Variants in THSD4 observed in about 807,000 individuals in gnomAD.
THSD4 encodes thrombospondin type-1 domain-containing protein 4.
A neutral mutation model predicts 119.0 loss-of-function variants in THSD4; 69 were observed. The ratio of observed to expected loss-of-function variants is 0.58; its 90% CI spans 0.48 to 0.71. The LOEUF (loss-of-function observed/expected upper bound fraction) is 0.71. Among genes scored for constraint, THSD4 ranks in the 30% least tolerant of loss-of-function variants. The probability of loss-of-function intolerance (pLI) is 0.00; values close to 1 mark genes in which losing one functional copy is unlikely to be tolerated. For missense variants in THSD4, 1,393 were observed against 1,391.1 expected, an observed-to-expected ratio of 1.00 and a Z score of -0.02; for synonymous variants, 524 against 540.4, an observed-to-expected ratio of 0.97 and a Z score of 0.42.
intron 17 of THSD4, among the ~76,000 whole-genome samples, chr15:71,772,173 A>T (rs2053834112): frequency 6.6e-6 from 1 of 152,232 alleles, no homozygotes; most frequent in Non-Finnish European, 1.5e-5. Context: ...ATGTATTAAT[A>T]TATCAATAAG....
chr15:71,369,713 T>A (rs1264452612), intron 6 of THSD4, among the ~76,000 whole-genome samples: 13 of 152,228 alleles, frequency 8.5e-5, no homozygotes, highest in Non-Finnish European at 1.8e-4. Context: ...TTTGCATCAA[T>A]GTTCATCAAG....
intron 7 of THSD4, among the ~76,000 whole-genome samples, chr15:71,426,688 G>A (rs1197953260): frequency 2.0e-5 from 3 of 152,140 alleles, no homozygotes; most frequent in Non-Finnish European, 4.4e-5. Flanking sequence ...AACTTAATGT[G>A]ACTCTTTGTG....
At chr15:71,554,365 G>T (rs2048984969) in intron 7 of THSD4, among the ~76,000 whole-genome samples, 1 of 151,460 alleles carries the variant, frequency 6.6e-6, no homozygotes, top group Non-Finnish European at 1.5e-5. Flanking sequence ...AAAGTGCTGA[G>T]ATTACAGGCG....
At position 71,125,083 on chromosome 15, in the gene THSD4, A is replaced by G. The variant is rs534401040; in HGVS notation, c.-80+9385A>G. Among the ~76,000 whole-genome samples, 6 of 152,206 alleles carry G rather than the reference A, an allele frequency of 3.9e-5. No individual in the cohort carries two copies. The South Asian group carries it at 1.0e-3, about 26-fold the overall frequency. ...AGTGAGACCCAGCCAGAAAGAGAAGAGAAGAGGAGAGAAGGTGAAGAGGAA... is the reference window on the plus strand; with the variant it reads ...AGTGAGACCCAGCCAGAAAGAGAAGGGAAGAGGAGAGAAGGTGAAGAGGAA... On this transcript the variant is annotated intron_variant, in intron 1 of 17. Coordinates refer to ENST00000261862, the MANE Select transcript of THSD4 (RefSeq NM_024817.3).
chr15:71,126,659 A>T (rs1046513144), intron 1 of THSD4, among the ~76,000 whole-genome samples: 9 of 152,222 alleles, frequency 5.9e-5, no homozygotes, highest in African/African-American at 2.2e-4. Flanking sequence ...TCTCACAAAG[A>T]CTTTGAAGCG....
At chr15:71,728,270 C>T (rs555230219) in intron 8 of THSD4, among the ~76,000 whole-genome samples, 2 of 152,270 alleles carry the variant, frequency 1.3e-5, no homozygotes, top group East Asian at 3.9e-4. Context: ...CCTTTCCCTC[C>T]CATTTTCCAC....
chr15:71,482,346 A>G (rs1420503349), intron 7 of THSD4, among the ~76,000 whole-genome samples: 1 of 148,198 alleles, frequency 6.7e-6, no homozygotes, highest in Non-Finnish European at 1.5e-5. Flanking sequence ...GCTGGAGTGC[A>G]GTGGCACGAT....
At chr15:71,235,583 CTTTTTTTTTTTT>C (rs1555457033) in intron 4 of THSD4, among the ~76,000 whole-genome samples, 1 of 127,314 alleles carries the variant, frequency 7.9e-6, no homozygotes, top group African/African-American at 2.9e-5. Flanking sequence ...CCACCTCTCT[CTTTTTTTTTTTT>C]TTTTTTTTTT....
Position 71,746,744 on chromosome 15 carries a change from T to C in THSD4, c.2037-94T>C, listed in dbSNP as rs1484583591. On this transcript the variant is annotated intron_variant, in intron 12 of 17. Coordinates refer to ENST00000261862, the MANE Select transcript of THSD4 (RefSeq NM_024817.3). ...TAGTAAGAAACTCTACCCATAGTGA[T>C]TCTGATGATTCTGTGTACGCTGCTG... is the stretch of plus-strand genomic sequence containing the variant. 5 of 1,320,364 alleles carry C rather than the reference T, an allele frequency of 3.8e-6. No homozygotes were observed. The Admixed American group carries it at 8.5e-5, about 22-fold the overall frequency. The allele number at this position is 1,320,364 out of a possible 1,614,324, so 81.8% of individuals were successfully genotyped here.
intron 6 of THSD4, among the ~76,000 whole-genome samples, chr15:71,305,782 A>G (rs1463085742): frequency 6.6e-6 from 1 of 152,128 alleles, no homozygotes; most frequent in Non-Finnish European, 1.5e-5. Context: ...TGAAACTCAC[A>G]TGTGTCACTA....
chr15:71,156,188 C>T (rs2040775237), intron 3 of THSD4, among the ~76,000 whole-genome samples: 1 of 152,134 alleles, frequency 6.6e-6, no homozygotes, highest in African/African-American at 2.4e-5. Context: ...AATTCAGACT[C>T]CTGAGAAGAG....
chr15:71,604,447 G>T (rs2050070341), intron 7 of THSD4, among the ~76,000 whole-genome samples: 1 of 152,088 alleles, frequency 6.6e-6, no homozygotes, highest in Non-Finnish European at 1.5e-5. Flanking sequence ...CCATATAGTT[G>T]GACTTACTAT....
intron 7 of THSD4, among the ~76,000 whole-genome samples, chr15:71,495,708 C>T (rs2048004452): frequency 6.6e-6 from 1 of 152,170 alleles, no homozygotes. Flanking sequence ...TTAGAAACCT[C>T]CCATGTGGGC....
rs556990118 is a variant in THSD4, at chr15:71,622,001, T to A, written c.1153-38529T>A. On this transcript the variant is annotated intron_variant, in intron 7 of 17. Coordinates refer to ENST00000261862, the MANE Select transcript of THSD4 (RefSeq NM_024817.3). ...CTGTTAGCATGACTGAGAATCGAAG[T>A]GATTTTGAACCTGTCTCAGGAATGA... 2.2e-4 allele frequency among the ~76,000 whole-genome samples: 33 copies of A among 152,324 alleles called. No individual in the cohort carries two copies. The East Asian group carries it at 3.7e-3, about 17-fold the overall frequency.
Position 71,446,488 on chromosome 15 carries a change from C to T in THSD4, c.1152+34665C>T, listed in dbSNP as rs148276787. On this transcript the variant is annotated intron_variant, in intron 7 of 17. Transcript: ENST00000261862. ...CCTTATACGTTGGTCTTGAATACCT[C>T]TAGTTTTCCAAACAAGTCATCTTTT... Among the ~76,000 whole-genome samples the T allele has an allele frequency of 1.8e-3, 281 of 152,318 alleles. 1 individual carries two copies. Among genetic ancestry groups the T allele is most frequent in the African/African-American group, 6.6e-3 (273 of 41,572 alleles).
intron 5 of THSD4, among the ~76,000 whole-genome samples, chr15:71,250,566 A>G (rs1659253266): frequency 6.6e-6 from 1 of 152,126 alleles, no homozygotes; most frequent in Non-Finnish European, 1.5e-5. Context: ...CATGCTCCCA[A>G]TTTAGCCTCC....
At position 71,297,489 on chromosome 15, in the gene THSD4, C is replaced by A. The variant is rs1038595845; in HGVS notation, c.1015+40774C>A. Among the ~76,000 whole-genome samples the A allele has an allele frequency of 6.6e-5, 10 of 152,074 alleles. No homozygotes were observed. The South Asian group carries it at 1.0e-3, about 16-fold the overall frequency. ...TAGCTGGGATTACAGGCACGTGCCC[C>A]CATGCCTGGCTAATTTTTGTATTCT... On this transcript the variant is annotated intron_variant, in intron 6 of 17. Transcript: ENST00000261862.
At chr15:71,701,762 A>G (rs1439321721) in intron 8 of THSD4, among the ~76,000 whole-genome samples, 1 of 152,168 alleles carries the variant, frequency 6.6e-6, no homozygotes, top group Non-Finnish European at 1.5e-5. Context: ...ACATGCACAG[A>G]AAGATCTGGA....
chr15:71,776,329 C>T (rs971174173), intron 17 of THSD4, among the ~76,000 whole-genome samples: 1 of 152,180 alleles, frequency 6.6e-6, no homozygotes. Context: ...TATAACCTAA[C>T]TCACAAAGGA....
Sources: gnomAD v4.1 joint callset for allele counts (sites outside exome capture counted in the v4.1 genomes callset) on GRCh38, gnomAD v4.1.1 for gene constraint, MANE v1.5 for transcripts, NCBI Gene and HGNC (gene_info 2026-07-23, HGNC 2026-07-21) for gene names.